Variants in TVP23A observed in about 807,000 individuals in gnomAD.
TVP23A encodes trans-golgi network vesicle protein 23 homolog A, also known as Golgi apparatus membrane protein TVP23 homolog A.
In TVP23A, 21 loss-of-function variants were observed where a neutral mutation model predicts 31.7. The ratio of observed to expected loss-of-function variants is 0.66; its 90% CI spans 0.47 to 0.95. The LOEUF (loss-of-function observed/expected upper bound fraction) is 0.95, where lower values mean the gene tolerates loss of function less well. Ranked by LOEUF, TVP23A falls within the 40% of genes least tolerant of loss-of-function variation. The pLI is 0.00. For missense variants in TVP23A, 279 were observed against 255.6 expected, an observed-to-expected ratio of 1.09 and a Z score of -0.62; for synonymous variants, 104 against 96.0, an observed-to-expected ratio of 1.08 and a Z score of -0.49.
chr16:10,802,222 T>A (rs1196919347), intron 2 of TVP23A, among the ~76,000 whole-genome samples: 1 of 150,142 alleles, frequency 6.7e-6, no homozygotes, highest in African/African-American at 2.5e-5. Context: ...TATGTCTGCA[T>A]CCATGAGTTT....
At chr16:10,763,872 G>C (rs1337824355), downstream of TVP23A, 1 of 166,480 alleles carries the variant, frequency 6.0e-6, no homozygotes, top group Non-Finnish European at 1.3e-5. Context: ...CTCAGCCCCT[G>C]GAAGCATCTC....
At chr16:10,772,892 T>C (rs776392229) in intron 5 of TVP23A, among the ~76,000 whole-genome samples, 2 of 151,732 alleles carry the variant, frequency 1.3e-5, no homozygotes, top group Non-Finnish European at 2.9e-5. Context: ...GTATTTATTT[T>C]ATTTTTTGGA....
chr16:10,800,251 G>A (rs185277019), intron 2 of TVP23A: 1 of 152,062 alleles, frequency 6.6e-6, no homozygotes, highest in Admixed American at 6.6e-5. Context: ...AGAGCTTCTA[G>A]ATTCTGCTAG....
At chr16:10,808,793 A>G (rs1224333754) in intron 2 of TVP23A, among the ~76,000 whole-genome samples, 1 of 152,102 alleles carries the variant, frequency 6.6e-6, no homozygotes, top group Non-Finnish European at 1.5e-5. Context: ...ACTCCCCAAA[A>G]GAAAAAGAAA....
intron 2 of TVP23A, among the ~76,000 whole-genome samples, chr16:10,788,523 G>A (rs1281060474): frequency 6.6e-6 from 1 of 152,088 alleles, no homozygotes; most frequent in Non-Finnish European, 1.5e-5. Flanking sequence ...AACACCACCC[G>A]TAAGGTACCC....
rs760801777 is a variant in TVP23A at position 10,816,228 on chromosome 16, C to CAAA, written c.89+1872_89+1874dup. On this transcript the variant is annotated intron_variant, in intron 2 of 7. Transcript: ENST00000299866. ...TTGGCAACAGAGCAAAACCCTATCT[C>CAAA]AAAAAAAAAAAAAAAAAAAAGAAAT... Among the ~76,000 whole-genome samples the CAAA allele has an allele frequency of 9.9e-3, 730 of 73,810 alleles. 15 individuals carry two copies. The highest frequency in any genetic ancestry group is 0.025 in the African/African-American group (663 of 26,662). The allele number at this position is 73,810 out of a possible 152,430, so 48.4% of individuals were successfully genotyped here. A position where few individuals can be genotyped will look rare whatever the true frequency, so the allele number is the denominator to read the frequency against.
At chr16:10,811,480 G>T (rs1430316452) in intron 2 of TVP23A, among the ~76,000 whole-genome samples, 1 of 151,912 alleles carries the variant, frequency 6.6e-6, no homozygotes, top group Non-Finnish European at 1.5e-5. Context: ...ATGTTGCTCA[G>T]GCTGGTCTCA....
Position 10,818,171 on chromosome 16 carries a change from G to C in TVP23A, c.21C>G (p.Asp7Glu). MKQALV[D>E]DTEDVSLDFG... ...AGTCCAGGGACACATCCTCGGTATC[G>C]TCCACCAGGGCCTGGGAGGAGAGCA... is the stretch of plus-strand genomic sequence containing the variant. The change falls in exon 2 of 8, where the codon GAC (aspartate) becomes GAG (glutamate). Residue 7 changes from aspartate to glutamate, a missense_variant. By Grantham distance (45) the Asp-to-Glu change is conservative. Coordinates refer to ENST00000299866, the MANE Select transcript of TVP23A (RefSeq NM_001079512.4). The surrounding 1 kb of genome is among the most constrained non-coding windows in gnomAD (Gnocchi z 4.7). 6.2e-7 allele frequency: 1 copy of C among 1,605,610 alleles called. No individual in the cohort carries two copies. Among genetic ancestry groups the C allele is most frequent in the South Asian group, 1.1e-5 (1 of 89,010 alleles).
In TVP23A at chr16:10,774,938, C is replaced by T. The variant is rs1265673225; in HGVS notation, c.234+14G>A. On this transcript the variant is annotated intron_variant, in intron 3 of 7. Coordinates refer to ENST00000299866, the MANE Select transcript of TVP23A (RefSeq NM_001079512.4). ...GTGTTTCGGAAGTGATGACATCACA[C>T]GAAAGGGCCTCACCTTCACAGACCA... is the stretch of plus-strand genomic sequence containing the variant. 5.0e-6 allele frequency: 8 copies of T among 1,610,306 alleles called. No individual in the cohort carries two copies. Among genetic ancestry groups the T allele is most frequent in the African/African-American group, 1.3e-5 (1 of 74,806 alleles).
chr16:10,768,121 G>T lies in TVP23A; in HGVS notation c.*981C>A. ...AGGGGTGTGGAAGGACAGGTGGGTG[G>T]TGGGGTCTGTGATGACCACAGAGTG... On this transcript the variant is annotated 3_prime_UTR_variant, in exon 8 of 8. Transcript: ENST00000299866. This position sits in a 1 kb window ranked among gnomAD's most constrained non-coding sequence, Gnocchi z 4.3. 7.9e-7 allele frequency: 1 copy of T among 1,270,108 alleles called. No individual in the cohort carries two copies. The allele number at this position is 1,270,108 out of a possible 1,614,324, so 78.7% of individuals were successfully genotyped here. A position where few individuals can be genotyped will look rare whatever the true frequency, so the allele number is the denominator to read the frequency against.
At chr16:10,790,878 G>C (rs962577518) in intron 2 of TVP23A, among the ~76,000 whole-genome samples, 1 of 152,168 alleles carries the variant, frequency 6.6e-6, no homozygotes, top group Non-Finnish European at 1.5e-5. Context: ...CAGTATTAAG[G>C]TCCCTGTGTT....
chr16:10,781,021 C>A (rs1218716945), intron 2 of TVP23A, among the ~76,000 whole-genome samples: 1 of 152,126 alleles, frequency 6.6e-6, no homozygotes, highest in Non-Finnish European at 1.5e-5. Context: ...CCAACCCCAG[C>A]CACATAGAAA....
chr16:10,800,059 C>G (rs2033622179), intron 2 of TVP23A, among the ~76,000 whole-genome samples: 1 of 146,046 alleles, frequency 6.8e-6, no homozygotes, highest in Non-Finnish European at 1.5e-5. Context: ...GTAGTATTCC[C>G]CCAGTTATAT....
At chr16:10,764,983 C>A, downstream of TVP23A, 2 of 165,592 alleles carry the variant, frequency 1.2e-5, no homozygotes, top group Non-Finnish European at 2.7e-5. Context: ...CATTCCTGAG[C>A]CCACTTACCC....
Position 10,767,218 on chromosome 16 carries a change from C to T in TVP23A, c.*1884G>A. On this transcript the variant is annotated 3_prime_UTR_variant, in exon 8 of 8. Transcript: ENST00000299866. This position sits in a 1 kb window ranked among gnomAD's most constrained non-coding sequence, Gnocchi z 4.6. Reference sequence around the variant, plus strand: ...CACGACTGGGGGCTGGCAGGGCAGACTGGAGGCGAGAACACCCCCATTGAC... The same window carrying T: ...CACGACTGGGGGCTGGCAGGGCAGATTGGAGGCGAGAACACCCCCATTGAC... 1 of 399,798 alleles carries T rather than the reference C, an allele frequency of 2.5e-6. No homozygotes were observed. Among genetic ancestry groups the T allele is most frequent in the African/African-American group, 2.1e-5 (1 of 48,772 alleles). 24.8% of individuals were successfully genotyped at this position (399,798 alleles called of 1,614,324 possible).
intron 3 of TVP23A, 60 bp downstream of exon 3, chr16:10,774,892 C>A: frequency 1.3e-6 from 2 of 1,489,788 alleles, no homozygotes; most frequent in Non-Finnish European, 1.9e-6. Flanking sequence ...CTTGGTACCA[C>A]GCACACAGGG....
At chr16:10,759,523 C>G (rs1190653910), downstream of TVP23A, among the ~76,000 whole-genome samples, 1 of 152,154 alleles carries the variant, frequency 6.6e-6, no homozygotes, top group Admixed American at 6.5e-5. This position sits in a 1 kb window ranked among gnomAD's most constrained non-coding sequence, Gnocchi z 4.7. Flanking sequence ...TCTGTAATCC[C>G]AGCACTTTGG....
chr16:10,802,272 G>A (rs866183961), intron 2 of TVP23A, among the ~76,000 whole-genome samples: 5 of 133,814 alleles, frequency 3.7e-5, no homozygotes, highest in Non-Finnish European at 6.3e-5. Context: ...GTGTGTGTGT[G>A]TGTGTGTGTG....
chr16:10,793,207 T>C (rs929620952), intron 2 of TVP23A, among the ~76,000 whole-genome samples: 1 of 152,118 alleles, frequency 6.6e-6, no homozygotes, highest in Non-Finnish European at 1.5e-5. Flanking sequence ...GAGAATCGCT[T>C]GGAGGTTATA....
Sources: allele counts gnomAD v4.1 joint callset (sites outside exome capture counted in the v4.1 genomes callset), GRCh38; gene constraint gnomAD v4.1.1; non-coding constraint Gnocchi (gnomAD v3.1); transcripts MANE v1.5; gene names NCBI Gene and HGNC (gene_info 2026-07-23, HGNC 2026-07-21).